The following NELL1 variants were observed in gnomAD, a reference collection of about 807,000 sequenced individuals.
The protein encoded by NELL1 is protein kinase C-binding protein NELL1.
A neutral mutation model predicts 107.4 loss-of-function variants in NELL1; 76 were observed. That is an observed-to-expected ratio of 0.71 (90% confidence interval 0.59 to 0.86). The LOEUF is 0.86. Ranked by LOEUF, NELL1 falls within the 40% of genes least tolerant of loss-of-function variation. The probability of loss-of-function intolerance (pLI) is 0.00; values close to 1 mark genes in which losing one functional copy is unlikely to be tolerated. For synonymous variants in NELL1, 353 were observed against 341.2 expected (o/e 1.03, Z -0.38); for missense variants, 1,024 against 1,005.5 (o/e 1.02, Z -0.25).
intron 12 of NELL1, among the ~76,000 whole-genome samples, chr11:21,058,027 A>G (rs1853651508): frequency 6.6e-6 from 1 of 152,196 alleles, no homozygotes; most frequent in Middle Eastern, 3.4e-3. Context: ...AATCTAGGCC[A>G]TAGAAAGTTC....
chr11:21,006,064 G>GA (rs1852321556), intron 12 of NELL1, among the ~76,000 whole-genome samples: 1 of 151,736 alleles, frequency 6.6e-6, no homozygotes, highest in African/African-American at 2.4e-5. Flanking sequence ...AATTAAATGA[G>GA]AAAAAAATAT....
At chr11:21,563,480 G>C (rs1336002503) in intron 17 of NELL1, among the ~76,000 whole-genome samples, 1 of 151,888 alleles carries the variant, frequency 6.6e-6, no homozygotes, top group Non-Finnish European at 1.5e-5. Context: ...TGTATTTGTT[G>C]GTTCCACATT....
At chr11:21,527,955 C>T (rs975019754) in intron 15 of NELL1, among the ~76,000 whole-genome samples, 3 of 152,108 alleles carry the variant, frequency 2.0e-5, no homozygotes, top group African/African-American at 7.2e-5. Flanking sequence ...TCTATTGACT[C>T]AAATGTTAAT....
chr11:21,151,959 T>C (rs529358780), intron 13 of NELL1, among the ~76,000 whole-genome samples: 2 of 152,214 alleles, frequency 1.3e-5, no homozygotes, highest in Non-Finnish European at 2.9e-5. Context: ...AACAGAGGTC[T>C]TTTGCCTCTT....
intron 14 of NELL1, among the ~76,000 whole-genome samples, chr11:21,241,622 T>C (rs1486174700): frequency 6.6e-6 from 1 of 152,054 alleles, no homozygotes; most frequent in African/African-American, 2.4e-5. Flanking sequence ...AATTTGGGGG[T>C]AGTGCTAACT....
chr11:21,557,031 C>T (rs1856731461), intron 16 of NELL1, among the ~76,000 whole-genome samples: 1 of 151,866 alleles, frequency 6.6e-6, no homozygotes, highest in Non-Finnish European at 1.5e-5. Flanking sequence ...AAATAGGGTG[C>T]CTCTTCCCGT....
intron 15 of NELL1, among the ~76,000 whole-genome samples, chr11:21,440,887 CT>C: frequency 6.6e-6 from 1 of 152,168 alleles, no homozygotes; most frequent in South Asian, 2.1e-4. Context: ...AAGTCTGCAA[CT>C]TTTATTTATT....
At chr11:21,027,416 C>T (rs1314565628) in intron 12 of NELL1, among the ~76,000 whole-genome samples, 2 of 151,954 alleles carry the variant, frequency 1.3e-5, no homozygotes, top group South Asian at 2.1e-4. Context: ...GCTAGTGATA[C>T]ACTAGTGATT....
intron 5 of NELL1, among the ~76,000 whole-genome samples, chr11:20,915,717 A>ATTTTTT (rs67447563): frequency 1.0e-4 from 6 of 58,210 alleles, no homozygotes; most frequent in African/African-American, 1.8e-4. Context: ...ATATATATAT[A>ATTTTTT]TTTTTTTTTT....
chr11:21,302,087 A>G (rs926187257), intron 14 of NELL1, among the ~76,000 whole-genome samples: 5 of 152,080 alleles, frequency 3.3e-5, no homozygotes, highest in Non-Finnish European at 5.9e-5. Flanking sequence ...ACTGCTACAT[A>G]TAAAACCAAC....
chr11:20,977,422 G>A (rs1239090432), intron 12 of NELL1, among the ~76,000 whole-genome samples: 6 of 151,790 alleles, frequency 4.0e-5, no homozygotes, highest in Admixed American at 2.0e-4. Flanking sequence ...CTGCCACCAC[G>A]CCCTGCTAAT....
At chr11:21,180,048 A>G (rs11822970) in intron 13 of NELL1, among the ~76,000 whole-genome samples, 2,713 of 122,102 alleles carry the variant, frequency 0.022, 105 homozygotes, top group African/African-American at 0.079. Flanking sequence ...AGAGCTGGCT[A>G]GAGGACTGAA....
intron 15 of NELL1, among the ~76,000 whole-genome samples, chr11:21,472,057 A>C (rs1189116328): frequency 6.6e-6 from 1 of 152,042 alleles, no homozygotes; most frequent in Non-Finnish European, 1.5e-5. Flanking sequence ...TATTAGAGTC[A>C]ATATGGAGCA....
At chr11:21,342,421 G>T (rs969230675) in intron 14 of NELL1, among the ~76,000 whole-genome samples, 48 of 145,578 alleles carry the variant, frequency 3.3e-4, no homozygotes, top group Non-Finnish European at 4.7e-4. Flanking sequence ...TGGGGGGGGG[G>T]GTCACTTGAG....
At chr11:20,935,933 T>C (rs564651235) in intron 9 of NELL1, among the ~76,000 whole-genome samples, 2 of 152,220 alleles carry the variant, frequency 1.3e-5, no homozygotes, top group South Asian at 4.1e-4. Flanking sequence ...GCCATTGCCA[T>C]TCACTGAGAG....
chr11:20,788,710 AT>A (rs1857016930), intron 3 of NELL1, among the ~76,000 whole-genome samples: 1 of 150,118 alleles, frequency 6.7e-6, no homozygotes, highest in Non-Finnish European at 1.5e-5. Context: ...ATTTTTTTTT[AT>A]TTTTTATTTT....
At chr11:20,705,194 C>T (rs1854911430) in intron 2 of NELL1, among the ~76,000 whole-genome samples, 1 of 152,100 alleles carries the variant, frequency 6.6e-6, no homozygotes, top group South Asian at 2.1e-4. Context: ...AAAAAGAGCC[C>T]ACATTGCCAA....
chr11:20,713,115 C>T (rs148248327), intron 2 of NELL1, among the ~76,000 whole-genome samples: 2,146 of 152,258 alleles, frequency 0.014, 19 homozygotes, highest in Non-Finnish European at 0.022. Context: ...CAGGAGGTGG[C>T]GCTTTCAAGA....
chr11:21,432,829 C>G (rs768976552), intron 15 of NELL1, among the ~76,000 whole-genome samples: 1 of 152,074 alleles, frequency 6.6e-6, no homozygotes, highest in Non-Finnish European at 1.5e-5. Flanking sequence ...ATTAGCATAT[C>G]CATGATTTCA....
Sources: allele counts gnomAD v4.1 joint callset (sites outside exome capture counted in the v4.1 genomes callset), GRCh38; gene constraint gnomAD v4.1.1; transcripts MANE v1.5; gene names NCBI Gene and HGNC (gene_info 2026-07-23, HGNC 2026-07-21).